The following ATP8A2 variants were observed in gnomAD, a reference collection of about 807,000 sequenced individuals.
ATP8A2 encodes the protein phospholipid-transporting ATPase IB.
In ATP8A2, 100 loss-of-function variants were observed where a neutral mutation model predicts 165.6. The observed-to-expected ratio is 0.60, with a 90% CI of 0.51 to 0.71. The LOEUF is 0.71. ATP8A2 is among the 30% of genes least tolerant of loss of function. The probability of loss-of-function intolerance (pLI) is 0.00; values close to 1 mark genes in which losing one functional copy is unlikely to be tolerated. For synonymous variants in ATP8A2, 543 were observed against 548.8 expected (o/e 0.99, Z 0.15); for missense variants, 1,227 against 1,479.5 (o/e 0.83, Z 2.80).
At chr13:25,416,822 G>A (rs979375665) in intron 1 of ATP8A2, among the ~76,000 whole-genome samples, 3 of 152,088 alleles carry the variant, frequency 2.0e-5, no homozygotes, top group African/African-American at 7.2e-5. Flanking sequence ...TCAGCTTTTT[G>A]ACTTTCTTTT....
At chr13:25,572,606 A>C (rs1322765174) in intron 18 of ATP8A2, among the ~76,000 whole-genome samples, 2 of 152,212 alleles carry the variant, frequency 1.3e-5, no homozygotes, top group South Asian at 4.1e-4. Context: ...GGAATGGGCA[A>C]CAGGGGAAAA....
intron 2 of ATP8A2, among the ~76,000 whole-genome samples, chr13:25,504,877 C>G (rs2036981918): frequency 1.3e-5 from 2 of 151,602 alleles, no homozygotes; most frequent in African/African-American, 2.4e-5. Context: ...GGCTATTGTT[C>G]TCATTACTTC....
chr13:25,811,667 A>G (rs1950872586), intron 27 of ATP8A2, among the ~76,000 whole-genome samples: 1 of 152,164 alleles, frequency 6.6e-6, no homozygotes, highest in African/African-American at 2.4e-5. Flanking sequence ...GCCTAGGAAC[A>G]TGATGCAACT....
At chr13:25,847,911 G>A (rs774785684) in intron 30 of ATP8A2, among the ~76,000 whole-genome samples, 1 of 152,012 alleles carries the variant, frequency 6.6e-6, no homozygotes, top group Non-Finnish European at 1.5e-5. Flanking sequence ...TGTTCCCTTT[G>A]CCCAGCAGCA....
intron 33 of ATP8A2, among the ~76,000 whole-genome samples, chr13:25,933,400 T>C (rs1954814283): frequency 6.6e-6 from 1 of 152,206 alleles, no homozygotes; most frequent in Non-Finnish European, 1.5e-5. Context: ...TCACCTAATC[T>C]CTTTATGCCT....
intron 27 of ATP8A2, among the ~76,000 whole-genome samples, chr13:25,782,808 C>T (rs944346426): frequency 2.6e-5 from 4 of 152,140 alleles, no homozygotes; most frequent in South Asian, 2.1e-4. Flanking sequence ...GGCGTGATCT[C>T]GACTCACTGC....
intron 34 of ATP8A2, among the ~76,000 whole-genome samples, chr13:25,967,121 T>C (rs1398032900): frequency 6.6e-6 from 1 of 152,186 alleles, no homozygotes. Flanking sequence ...TGTTACATAA[T>C]AATGAACGGG....
chr13:25,426,223 G>T (rs778132209), intron 1 of ATP8A2, among the ~76,000 whole-genome samples: 2 of 152,200 alleles, frequency 1.3e-5, no homozygotes, highest in Non-Finnish European at 2.9e-5. Context: ...CATGGTGCCC[G>T]CATCTGCTTC....
intron 27 of ATP8A2, among the ~76,000 whole-genome samples, chr13:25,815,833 A>G (rs1332843767): frequency 6.6e-6 from 1 of 152,246 alleles, no homozygotes; most frequent in Non-Finnish European, 1.5e-5. Flanking sequence ...CTATATACAT[A>G]CAATGGCATA....
intron 33 of ATP8A2, among the ~76,000 whole-genome samples, chr13:25,918,536 C>A (rs1954335562): frequency 6.6e-6 from 1 of 152,146 alleles, no homozygotes; most frequent in Non-Finnish European, 1.5e-5. Context: ...GGGAACCCTT[C>A]AGTCCAAAGG....
At chr13:25,794,076 T>C (rs1950447439) in intron 27 of ATP8A2, among the ~76,000 whole-genome samples, 1 of 152,146 alleles carries the variant, frequency 6.6e-6, no homozygotes, top group African/African-American at 2.4e-5. Context: ...GGTTGGTTTG[T>C]TTTTGAGATG....
At chr13:25,579,265 G>A (rs1293160520) in intron 21 of ATP8A2, among the ~76,000 whole-genome samples, 2 of 152,230 alleles carry the variant, frequency 1.3e-5, no homozygotes, top group African/African-American at 4.8e-5. Context: ...CAGGAAAGGA[G>A]TTCTCTGGAA....
intron 33 of ATP8A2, among the ~76,000 whole-genome samples, chr13:25,907,777 A>G (rs969074028): frequency 2.6e-5 from 4 of 152,022 alleles, no homozygotes; most frequent in Non-Finnish European, 4.4e-5. Flanking sequence ...TCCTAACTCT[A>G]TGTCTACACC....
intron 24 of ATP8A2, among the ~76,000 whole-genome samples, chr13:25,654,252 C>A (rs1193377297): frequency 6.6e-6 from 1 of 152,068 alleles, no homozygotes; most frequent in Non-Finnish European, 1.5e-5. Context: ...ATTACCCAGG[C>A]TGGAGTGCAG....
At chr13:25,725,006 C>T (rs2043462267) in intron 25 of ATP8A2, among the ~76,000 whole-genome samples, 1 of 152,008 alleles carries the variant, frequency 6.6e-6, no homozygotes, top group Non-Finnish European at 1.5e-5. Context: ...TAAATGTCAC[C>T]CTAGATAGGC....
chr13:25,481,857 G>A (rs568094188), intron 2 of ATP8A2, among the ~76,000 whole-genome samples: 35 of 152,112 alleles, frequency 2.3e-4, no homozygotes, highest in Non-Finnish European at 3.8e-4. Flanking sequence ...TCTCTAATAA[G>A]GGCACTAATC....
intron 33 of ATP8A2, among the ~76,000 whole-genome samples, chr13:25,948,713 C>G (rs576375409): frequency 6.6e-6 from 1 of 152,256 alleles, no homozygotes; most frequent in East Asian, 1.9e-4. Context: ...TGATCACACT[C>G]TCTATTCATA....
intron 24 of ATP8A2, among the ~76,000 whole-genome samples, chr13:25,606,693 C>T (rs1272445707): frequency 1.3e-5 from 2 of 152,098 alleles, no homozygotes; most frequent in East Asian, 3.9e-4. Context: ...ACTTAAACAC[C>T]CCCAGACACC....
chr13:25,669,557 T>C (rs1009153230), intron 24 of ATP8A2, among the ~76,000 whole-genome samples: 1 of 152,210 alleles, frequency 6.6e-6, no homozygotes, highest in Non-Finnish European at 1.5e-5. Flanking sequence ...TCAGGTCTTC[T>C]CCAAGCATGT....
Sources: gnomAD v4.1 joint callset for allele counts (sites outside exome capture counted in the v4.1 genomes callset) on GRCh38, gnomAD v4.1.1 for gene constraint, MANE v1.5 for transcripts, NCBI Gene and HGNC (gene_info 2026-07-23, HGNC 2026-07-21) for gene names.